The following CLCN3 variants were observed in gnomAD, a reference collection of about 807,000 sequenced individuals.
CLCN3 encodes the protein Cl-/H+ antiporter 3.
Under a neutral mutation model 83.4 loss-of-function variants are expected in CLCN3, and 16 were observed. The ratio of observed to expected loss-of-function variants is 0.19; its 90% CI spans 0.13 to 0.29. The LOEUF (loss-of-function observed/expected upper bound fraction) is 0.29. Among genes scored for constraint, CLCN3 ranks in the 10% least tolerant of loss-of-function variants. The pLI, the probability that CLCN3 is intolerant of heterozygous loss-of-function variation, is 1.00. For missense variants in CLCN3, 544 were observed against 1,006.0 expected (o/e 0.54, Z 6.21); for synonymous variants, 322 against 346.2 (o/e 0.93, Z 0.78).
Position 169,722,576 on chromosome 4 carries a change from A to G in CLCN3, c.*2579A>G, listed in dbSNP as rs1733674736. 1 of 152,232 alleles carries G rather than the reference A, an allele frequency of 6.6e-6. No homozygotes were observed. The highest frequency in any genetic ancestry group is 1.5e-5 in the Non-Finnish European group (1 of 68,042). 9.4% of individuals were successfully genotyped at this position (152,232 alleles called of 1,614,324 possible). A position where few individuals can be genotyped will look rare whatever the true frequency, so the allele number is the denominator to read the frequency against. On this transcript the variant is annotated 3_prime_UTR_variant, in exon 13 of 13. Coordinates refer to ENST00000513761, the MANE Select transcript of CLCN3 (RefSeq NM_001829.4). ...AAAGGACAAATCGGTTTCTTTGCAG[A>G]TAGCTTCGTAAAACTTCACATGGAG...
At chr4:169,698,085 C>G (rs143930967) in intron 9 of CLCN3, among the ~76,000 whole-genome samples, 1 of 151,870 alleles carries the variant, frequency 6.6e-6, no homozygotes, top group Non-Finnish European at 1.5e-5. Context: ...TTCTTTTTTT[C>G]GTTTCCTTTT....
intron 2 of CLCN3, among the ~76,000 whole-genome samples, chr4:169,647,935 T>C (rs1730621760): frequency 6.6e-6 from 1 of 152,240 alleles, no homozygotes; most frequent in Non-Finnish European, 1.5e-5. Context: ...ACTCTTGATA[T>C]GTGACAAGAA....
chr4:169,697,007 T>A (rs1732590178), intron 8 of CLCN3, among the ~76,000 whole-genome samples, 182 bp from the exon 9 acceptor site: 1 of 152,156 alleles, frequency 6.6e-6, no homozygotes, highest in African/African-American at 2.4e-5. Context: ...TTTGTAATGA[T>A]GATCACCATC....
chr4:169,693,599 A>G (rs1009645797), intron 7 of CLCN3, among the ~76,000 whole-genome samples: 1 of 152,168 alleles, frequency 6.6e-6, no homozygotes, highest in Non-Finnish European at 1.5e-5. Flanking sequence ...CCTTACGACT[A>G]TGTGGGTATA....
intron 2 of CLCN3, among the ~76,000 whole-genome samples, chr4:169,653,053 A>T (rs1192593992): frequency 6.6e-6 from 1 of 152,238 alleles, no homozygotes; most frequent in Non-Finnish European, 1.5e-5. Context: ...TGGACAAATT[A>T]TGAACAAATA....
chr4:169,628,948 T>C (rs1773300095), intron 1 of CLCN3, among the ~76,000 whole-genome samples: 1 of 152,240 alleles, frequency 6.6e-6, no homozygotes, highest in Non-Finnish European at 1.5e-5. Flanking sequence ...TCTGTTATCA[T>C]AGACTACTCT....
intron 2 of CLCN3, among the ~76,000 whole-genome samples, chr4:169,679,402 C>T (rs374350475): frequency 1.8e-4 from 27 of 151,016 alleles, no homozygotes; most frequent in East Asian, 7.9e-4. Flanking sequence ...TCCTCACTTC[C>T]TAGACTGGGC....
At chr4:169,682,485 C>T (rs116576951) in intron 3 of CLCN3, among the ~76,000 whole-genome samples, 4 of 152,312 alleles carry the variant, frequency 2.6e-5, no homozygotes, top group Admixed American at 2.6e-4. Context: ...TGATGTCACT[C>T]TTTCAAGTAA....
Position 169,697,411 on chromosome 4 carries a change from T to C in CLCN3, c.1240T>C (p.Trp414Arg). 1 of 1,614,166 alleles carries C rather than the reference T, an allele frequency of 6.2e-7. No homozygotes were observed. Among genetic ancestry groups the C allele is most frequent in the Non-Finnish European group, 8.5e-7 (1 of 1,180,024 alleles). ...CTTTTTCATTAGGGCAAATATTGCCTGGTGTCGTCGACGCAAGTCCACGAA... is the reference window on the plus strand; with the variant it reads ...CTTTTTCATTAGGGCAAATATTGCCCGGTGTCGTCGACGCAAGTCCACGAA... ...GAFFIRANIA[W>R]CRRRKSTKFG... is the part of the protein sequence containing the mutation. Residue 414 changes from tryptophan to arginine, a missense_variant, in exon 9 of 13, where the codon TGG (tryptophan) becomes CGG (arginine). Physicochemically the swap from Trp to Arg is moderately radical, Grantham distance 101 (BLOSUM62 -3). This residue lies in a region of CLCN3 where 194 missense variants were observed against 341.4 expected (regional missense o/e 0.57). Coordinates refer to ENST00000513761, the MANE Select transcript of CLCN3 (RefSeq NM_001829.4).
intron 4 of CLCN3, among the ~76,000 whole-genome samples, chr4:169,688,429 G>T (rs1732242567): frequency 6.6e-6 from 1 of 152,148 alleles, no homozygotes. Context: ...ATGTTCAGAA[G>T]ACCATAAAAA....
chr4:169,638,724 CAGG>C (rs1451894195), intron 2 of CLCN3, among the ~76,000 whole-genome samples: 4 of 152,112 alleles, frequency 2.6e-5, no homozygotes, highest in Admixed American at 6.5e-5. Flanking sequence ...TGGTCTTCAA[CAGG>C]AGAGAGTGCC....
intron 1 of CLCN3, among the ~76,000 whole-genome samples, chr4:169,625,261 C>A (rs1197493981): frequency 6.6e-6 from 1 of 152,156 alleles, no homozygotes; most frequent in African/African-American, 2.4e-5. Context: ...TCTTTTTCTT[C>A]TTTCACCCAG....
chr4:169,700,635 C>A lies in CLCN3; in HGVS notation c.1563+2901C>A, dbSNP rs1390171345. Among the ~76,000 whole-genome samples, 4 of 152,188 alleles carry A rather than the reference C, an allele frequency of 2.6e-5. No homozygotes were observed. In the East Asian group the frequency reaches 7.7e-4, roughly 29 times the overall value. On this transcript the variant is annotated intron_variant, in intron 9 of 12. Coordinates refer to ENST00000513761, the MANE Select transcript of CLCN3 (RefSeq NM_001829.4). ...GTTTATTATCCTTATTAAATTTAAT[C>A]AATAAATATTTTTCTCTTTTTAATT...
At chr4:169,636,956 C>T (rs1730222463) in intron 2 of CLCN3, among the ~76,000 whole-genome samples, 1 of 151,768 alleles carries the variant, frequency 6.6e-6, no homozygotes, top group African/African-American at 2.4e-5. Context: ...AAAGATACTA[C>T]CAAAGTGGAT....
chr4:169,695,024 T>G (rs1732512579), intron 7 of CLCN3, among the ~76,000 whole-genome samples: 1 of 152,028 alleles, frequency 6.6e-6, no homozygotes, highest in South Asian at 2.1e-4. Context: ...CTTTAATTTT[T>G]TTGTAGAGGT....
intron 3 of CLCN3, among the ~76,000 whole-genome samples, chr4:169,682,025 C>T (rs1156301049): frequency 2.0e-5 from 3 of 152,152 alleles, no homozygotes; most frequent in Non-Finnish European, 4.4e-5. Flanking sequence ...TTTGATACTA[C>T]ACTAAAGTGA....
intron 2 of CLCN3, among the ~76,000 whole-genome samples, chr4:169,672,865 A>G (rs1291065725): frequency 1.3e-5 from 2 of 151,482 alleles, no homozygotes; most frequent in Non-Finnish European, 1.5e-5. Context: ...GGGTTTCACC[A>G]TCTTGGCCAG....
intron 1 of CLCN3, among the ~76,000 whole-genome samples, chr4:169,630,478 C>T (rs1390939094): frequency 6.6e-6 from 1 of 152,102 alleles, no homozygotes; most frequent in African/African-American, 2.4e-5. Flanking sequence ...CTTTTTATGG[C>T]TGTGTAGTGT....
chr4:169,702,873 A>G, intron 9 of CLCN3: 1 of 236,034 alleles, frequency 4.2e-6, no homozygotes, highest in South Asian at 5.0e-5. Context: ...ACGCCCAGCC[A>G]AGAGACGTGA....
Sources: gnomAD v4.1 joint callset for allele counts (sites outside exome capture counted in the v4.1 genomes callset) on GRCh38, gnomAD v4.1.1 for gene constraint, gnomAD v4.1.1 regional missense constraint, MANE v1.5 for transcripts, NCBI Gene and HGNC (gene_info 2026-07-23, HGNC 2026-07-21) for gene names.